Variants in CCSER1 observed in about 807,000 individuals in gnomAD.
CCSER1 encodes the protein coiled-coil serine rich protein 1.
Under a neutral mutation model 82.0 loss-of-function variants are expected in CCSER1, and 41 were observed. That is an observed-to-expected ratio of 0.50 (90% CI 0.39 to 0.65). The LOEUF is 0.65. CCSER1 is among the 30% of genes least tolerant of loss of function. The pLI is 0.00. For missense variants in CCSER1, 1,119 were observed against 1,064.2 expected (o/e 1.05, Z -0.72); for synonymous variants, 414 against 383.9 (o/e 1.08, Z -0.92).
At chr4:91,558,387 A>C (rs1052409727) in intron 10 of CCSER1, among the ~76,000 whole-genome samples, 17 of 151,710 alleles carry the variant, frequency 1.1e-4, no homozygotes, top group African/African-American at 4.1e-4. Flanking sequence ...AGAGTATTTT[A>C]GCACTGTATT....
At chr4:90,253,959 A>G (rs1722824595) in intron 1 of CCSER1, among the ~76,000 whole-genome samples, 2 of 152,142 alleles carry the variant, frequency 1.3e-5, no homozygotes, top group African/African-American at 4.8e-5. Context: ...ATTGCTCTAC[A>G]GTCTGATCCA....
intron 10 of CCSER1, among the ~76,000 whole-genome samples, chr4:91,464,049 T>C (rs1756694669): frequency 6.6e-6 from 1 of 152,066 alleles, no homozygotes; most frequent in South Asian, 2.1e-4. Context: ...AGACACATAA[T>C]TGTCAGATTT....
At chr4:90,154,618 G>A (rs1254161573) in intron 1 of CCSER1, among the ~76,000 whole-genome samples, 81 of 147,666 alleles carry the variant, frequency 5.5e-4, no homozygotes, top group African/African-American at 2.0e-3. Context: ...TGGATTCCTA[G>A]GTATTTTATT....
At chr4:91,356,887 G>C (rs1009663770) in intron 10 of CCSER1, among the ~76,000 whole-genome samples, 1 of 152,172 alleles carries the variant, frequency 6.6e-6, no homozygotes. Context: ...ACTCCAGGCT[G>C]TAGAATCCTG....
At chr4:91,207,203 T>C (rs1736418487) in intron 10 of CCSER1, among the ~76,000 whole-genome samples, 1 of 151,846 alleles carries the variant, frequency 6.6e-6, no homozygotes, top group East Asian at 1.9e-4. Context: ...ATTAAGAGTT[T>C]CCTTTAAAAT....
chr4:91,087,654 C>T (rs1403439176), intron 10 of CCSER1, among the ~76,000 whole-genome samples: 2 of 152,030 alleles, frequency 1.3e-5, no homozygotes. Context: ...GGCCTTCTCC[C>T]TCAGGGTAGT....
intron 10 of CCSER1, among the ~76,000 whole-genome samples, chr4:91,165,923 C>G (rs960053282): frequency 6.6e-6 from 1 of 152,228 alleles, no homozygotes; most frequent in Non-Finnish European, 1.5e-5. Context: ...TTGGCTCACC[C>G]TCCATGGGCT....
intron 3 of CCSER1, among the ~76,000 whole-genome samples, chr4:90,321,515 C>T (rs1265457047): frequency 6.6e-6 from 1 of 152,136 alleles, no homozygotes; most frequent in East Asian, 1.9e-4. Context: ...AATAGTGCTG[C>T]AATAAACATG....
At chr4:90,636,064 T>C (rs991766301) in intron 6 of CCSER1, among the ~76,000 whole-genome samples, 1 of 151,774 alleles carries the variant, frequency 6.6e-6, no homozygotes. Context: ...AAAAAGATTA[T>C]AGAAAAATTA....
At chr4:90,493,073 C>T (rs1199518201) in intron 5 of CCSER1, among the ~76,000 whole-genome samples, 1 of 152,076 alleles carries the variant, frequency 6.6e-6, no homozygotes, top group Non-Finnish European at 1.5e-5. Flanking sequence ...CCTTAAATTA[C>T]CTGATGGAGC....
intron 5 of CCSER1, among the ~76,000 whole-genome samples, chr4:90,603,239 A>G (rs568123501): frequency 6.6e-6 from 1 of 152,342 alleles, no homozygotes; most frequent in South Asian, 2.1e-4. Flanking sequence ...ATTTGCTATC[A>G]GGTTATCTGG....
At chr4:91,466,259 AT>A (rs1381834949) in intron 10 of CCSER1, among the ~76,000 whole-genome samples, 3 of 152,202 alleles carry the variant, frequency 2.0e-5, no homozygotes, top group Non-Finnish European at 4.4e-5. Flanking sequence ...AAACCACATA[AT>A]TATCTCAATA....
chr4:91,475,925 T>C (rs1054702955), intron 10 of CCSER1, among the ~76,000 whole-genome samples: 1 of 151,860 alleles, frequency 6.6e-6, no homozygotes, highest in African/African-American at 2.4e-5. Context: ...ATATTTCATG[T>C]GACATAATAT....
intron 10 of CCSER1, among the ~76,000 whole-genome samples, chr4:91,243,138 A>G (rs1193549235): frequency 1.3e-5 from 2 of 152,160 alleles, no homozygotes; most frequent in African/African-American, 4.8e-5. Context: ...CATTGAACTC[A>G]GTGCTGCCCT....
At chr4:90,698,404 T>A (rs1346375308) in intron 6 of CCSER1, among the ~76,000 whole-genome samples, 1 of 152,132 alleles carries the variant, frequency 6.6e-6, no homozygotes, top group African/African-American at 2.4e-5. Flanking sequence ...CAGGAACTCT[T>A]AAGATAAAAT....
Position 91,555,333 on chromosome 4 carries a change from A to G in CCSER1, c.2218-43239A>G, listed in dbSNP as rs564156982. 6.6e-5 allele frequency among the ~76,000 whole-genome samples: 10 copies of G among 151,266 alleles called. No homozygotes were observed. In the South Asian group the frequency reaches 1.7e-3, roughly 25 times the overall value. On this transcript the variant is annotated intron_variant, in intron 10 of 10. Coordinates refer to ENST00000509176, the MANE Select transcript of CCSER1 (RefSeq NM_001145065.2). ...AAAATATTAATATCACTGATCAGCT[A>G]GGATAAGTTACTGTATAGTTTATTT...
At chr4:90,597,725 A>G (rs911570308) in intron 5 of CCSER1, among the ~76,000 whole-genome samples, 25 of 152,100 alleles carry the variant, frequency 1.6e-4, no homozygotes, top group Admixed American at 1.4e-3. Context: ...GTTATCAACT[A>G]TAGCCCTCAT....
intron 10 of CCSER1, among the ~76,000 whole-genome samples, chr4:91,301,344 T>C (rs1382798268): frequency 2.0e-5 from 3 of 151,682 alleles, no homozygotes; most frequent in Non-Finnish European, 2.9e-5. Context: ...TTTAAAACAA[T>C]TGCAATATTA....
chr4:91,190,670 A>C (rs562383966), intron 10 of CCSER1, among the ~76,000 whole-genome samples: 1 of 152,322 alleles, frequency 6.6e-6, no homozygotes, highest in Non-Finnish European at 1.5e-5. Context: ...CTACAGAAAT[A>C]AATGCCATTG....
Sources: gnomAD v4.1 joint callset for allele counts (sites outside exome capture counted in the v4.1 genomes callset) on GRCh38, gnomAD v4.1.1 for gene constraint, MANE v1.5 for transcripts, NCBI Gene and HGNC (gene_info 2026-07-23, HGNC 2026-07-21) for gene names.